The following NALCN variants were observed in gnomAD, a reference collection of about 807,000 sequenced individuals.
NALCN encodes the protein sodium leak channel, non-selective.
In NALCN, 111 loss-of-function variants were observed where a neutral mutation model predicts 225.3. The ratio of observed to expected loss-of-function variants is 0.49; its 90% CI spans 0.42 to 0.58. The LOEUF (loss-of-function observed/expected upper bound fraction) is 0.58, where lower values mean the gene tolerates loss of function less well. Ranked by LOEUF, NALCN falls within the 20% of genes least tolerant of loss-of-function variation. The pLI is 0.00. For missense variants in NALCN, 1,378 were observed against 2,202.4 expected, an observed-to-expected ratio of 0.63 and a Z score of 7.49; for synonymous variants, 764 against 769.0, an observed-to-expected ratio of 0.99 and a Z score of 0.11.
chr13:101,389,683 C>T (rs1169416377), intron 3 of NALCN, among the ~76,000 whole-genome samples: 2 of 152,180 alleles, frequency 1.3e-5, no homozygotes, highest in African/African-American at 2.4e-5. Context: ...CTACTCTACC[C>T]AATGTGTGGG....
At chr13:101,085,753 C>G (rs1280932304) in intron 30 of NALCN, among the ~76,000 whole-genome samples, 1 of 152,102 alleles carries the variant, frequency 6.6e-6, no homozygotes. Flanking sequence ...AAAATAAATG[C>G]TGACATGCTT....
In NALCN at chr13:101,229,465, A is replaced by G; in HGVS notation, c.1554T>C (p.Ile518=). ...SLVVFTASLL[I]VMSAISLQMF... is the part of the protein sequence containing the mutation. ...TCTGCAAACTAATTGCTGACATAAC[A>G]ATCAAGAGGCTGGCAGTAAATACAA... Residue 518 remains isoleucine, a synonymous_variant, in exon 13 of 44, where the codon ATT becomes ATC. Transcript: ENST00000251127. 1 of 1,611,022 alleles carries G rather than the reference A, an allele frequency of 6.2e-7. No homozygotes were observed. Among genetic ancestry groups the G allele is most frequent in the Non-Finnish European group, 8.5e-7 (1 of 1,178,700 alleles).
At chr13:101,157,747 G>T (rs945522628) in intron 15 of NALCN, among the ~76,000 whole-genome samples, 1 of 140,130 alleles carries the variant, frequency 7.1e-6, no homozygotes, top group Non-Finnish European at 1.5e-5. Context: ...GAGGGGACAT[G>T]GTCTTTTTTT....
At chr13:101,309,773 A>T (rs1000881514) in intron 7 of NALCN, among the ~76,000 whole-genome samples, 25 of 152,186 alleles carry the variant, frequency 1.6e-4, no homozygotes, top group African/African-American at 5.5e-4. Flanking sequence ...AAACAATTTT[A>T]AAAAAATTGA....
intron 10 of NALCN, among the ~76,000 whole-genome samples, chr13:101,262,503 G>A (rs912905330): frequency 3.3e-5 from 5 of 152,088 alleles, no homozygotes; most frequent in African/African-American, 4.8e-5. Context: ...AGGGACTAGC[G>A]CCACCACACA....
intron 39 of NALCN, among the ~76,000 whole-genome samples, chr13:101,066,602 G>C (rs1287548756): frequency 6.6e-6 from 1 of 152,168 alleles, no homozygotes; most frequent in Admixed American, 6.5e-5. Flanking sequence ...TTGCATGAAA[G>C]CAGGTTCCCG....
intron 1 of NALCN, among the ~76,000 whole-genome samples, chr13:101,405,619 G>A (rs1260565925): frequency 6.6e-6 from 1 of 152,058 alleles, no homozygotes; most frequent in African/African-American, 2.4e-5. Flanking sequence ...CACCTCTCAC[G>A]GCCTCCACAG....
At chr13:101,262,290 T>C (rs568501224) in intron 10 of NALCN, among the ~76,000 whole-genome samples, 1 of 152,326 alleles carries the variant, frequency 6.6e-6, no homozygotes, top group African/African-American at 2.4e-5. Context: ...ATTACTCACA[T>C]TTCACACAGT....
chr13:101,234,876 ATCTG>A (rs2041494213), intron 12 of NALCN, among the ~76,000 whole-genome samples: 1 of 151,836 alleles, frequency 6.6e-6, no homozygotes, highest in Admixed American at 6.6e-5. Flanking sequence ...TCTATCTATC[ATCTG>A]TCTATCTATA....
At chr13:101,151,994 G>A (rs975250712) in intron 15 of NALCN, among the ~76,000 whole-genome samples, 2 of 152,144 alleles carry the variant, frequency 1.3e-5, no homozygotes, top group African/African-American at 4.8e-5. Flanking sequence ...AGAAGACAGC[G>A]ATACTGTACA....
At chr13:101,413,017 T>C (rs573921824) in intron 1 of NALCN, among the ~76,000 whole-genome samples, 1 of 152,332 alleles carries the variant, frequency 6.6e-6, no homozygotes, top group Non-Finnish European at 1.5e-5. Context: ...CAAGTTTTTA[T>C]ATAGCACAAA....
At chr13:101,080,386 A>G (rs1594160297) in intron 34 of NALCN, among the ~76,000 whole-genome samples, 1 of 152,140 alleles carries the variant, frequency 6.6e-6, no homozygotes, top group East Asian at 1.9e-4. Flanking sequence ...CAAGGATACT[A>G]CTTATCTCAA....
At chr13:101,146,628 C>T (rs562603676) in intron 15 of NALCN, among the ~76,000 whole-genome samples, 1 of 152,188 alleles carries the variant, frequency 6.6e-6, no homozygotes, top group South Asian at 2.1e-4. Context: ...GAGTGTAAGG[C>T]AGGTATATCA....
rs2040213620 is a variant in NALCN at position 101,203,726 on chromosome 13, C to T, written c.1627-11672G>A. On this transcript the variant is annotated intron_variant, in intron 13 of 43. Transcript: ENST00000251127. The stretch of plus-strand genomic sequence containing the variant: ...ATACATATCTTCCAGCTATAAAGGT[C>T]TACTATTCTATAATCTATTAACTGT... Among the ~76,000 whole-genome samples, 9 of 152,228 alleles carry T rather than the reference C, an allele frequency of 5.9e-5. No homozygotes were observed. In the South Asian group the frequency reaches 1.9e-3, roughly 32 times the overall value.
At chr13:101,150,091 A>C (rs1468405458) in intron 15 of NALCN, among the ~76,000 whole-genome samples, 1 of 9,474 alleles carries the variant, frequency 1.1e-4, no homozygotes, top group Admixed American at 1.1e-3. Flanking sequence ...CAGTGTAAGA[A>C]ATGTGGATTT....
chr13:101,133,837 G>A (rs1339374068), intron 17 of NALCN, among the ~76,000 whole-genome samples: 2 of 152,174 alleles, frequency 1.3e-5, no homozygotes. Context: ...ATCTTAAAAT[G>A]TGAATTTTGT....
At chr13:101,354,662 T>A (rs79905732) in intron 6 of NALCN, among the ~76,000 whole-genome samples, 3 of 152,204 alleles carry the variant, frequency 2.0e-5, no homozygotes, top group Non-Finnish European at 4.4e-5. Flanking sequence ...TCATCTTTCT[T>A]GTGAAGATCA....
chr13:101,218,742 T>C (rs1056922780), intron 13 of NALCN, among the ~76,000 whole-genome samples: 3 of 152,144 alleles, frequency 2.0e-5, no homozygotes, highest in Non-Finnish European at 4.4e-5. Context: ...GCTCCAGCCA[T>C]ATAAGACTTG....
chr13:101,176,273 A>G, intron 15 of NALCN, 27 bp downstream of exon 15: 1 of 1,466,044 alleles, frequency 6.8e-7, no homozygotes, highest in Non-Finnish European at 9.0e-7. Context: ...TGTCCTTTTT[A>G]AAAAAAATCC....
Sources: allele counts gnomAD v4.1 joint callset (sites outside exome capture counted in the v4.1 genomes callset), GRCh38; gene constraint gnomAD v4.1.1; transcripts MANE v1.5; gene names NCBI Gene and HGNC (gene_info 2026-07-23, HGNC 2026-07-21).